Variants in EXOC2 observed in about 807,000 individuals in gnomAD.
The protein encoded by EXOC2 is SEC5-like 1.
In EXOC2, 70 loss-of-function variants were observed where a neutral mutation model predicts 131.8. The ratio of observed to expected loss-of-function variants is 0.53; its 90% CI spans 0.44 to 0.65. The LOEUF is 0.65. Ranked by LOEUF, EXOC2 falls within the 30% of genes least tolerant of loss-of-function variation. The probability of loss-of-function intolerance (pLI) is 0.00; values close to 1 mark genes in which losing one functional copy is unlikely to be tolerated. For missense variants in EXOC2, 923 were observed against 1,108.6 expected, an observed-to-expected ratio of 0.83 and a Z score of 2.38; for synonymous variants, 411 against 398.4, an observed-to-expected ratio of 1.03 and a Z score of -0.38.
At chr6:607,905 T>C (rs1385134029) in intron 7 of EXOC2, among the ~76,000 whole-genome samples, 3 of 152,180 alleles carry the variant, frequency 2.0e-5, no homozygotes, top group African/African-American at 4.8e-5. Flanking sequence ...AAACTCTGAA[T>C]AAATGACCTA....
intron 1 of EXOC2, among the ~76,000 whole-genome samples, chr6:648,859 C>CCACAGGCATG (rs1762700688): frequency 6.6e-6 from 1 of 151,326 alleles, no homozygotes; most frequent in Non-Finnish European, 1.5e-5. Flanking sequence ...GTAGCTGGGA[C>CCACAGGCATG]CACAGGCATG....
At chr6:489,104 G>A in intron 26 of EXOC2, 66 bp from the exon 27 acceptor site, 2 of 1,488,724 alleles carry the variant, frequency 1.3e-6, no homozygotes, top group Non-Finnish European at 1.9e-6. Context: ...AAATTCTTAA[G>A]CATCCCTTAA....
intron 11 of EXOC2, among the ~76,000 whole-genome samples, chr6:587,888 A>G (rs1759306852): frequency 6.6e-6 from 1 of 152,228 alleles, no homozygotes; most frequent in Non-Finnish European, 1.5e-5. Flanking sequence ...TTTTAAAAAG[A>G]ATCCTTATTT....
intron 1 of EXOC2, among the ~76,000 whole-genome samples, chr6:687,448 G>A (rs940459688): frequency 2.0e-5 from 3 of 152,054 alleles, no homozygotes; most frequent in Admixed American, 6.6e-5. Context: ...CTCTCAAAGT[G>A]CTGGGATTAC....
At chr6:656,837 A>T (rs1763138475) in intron 1 of EXOC2, 2 of 1,610,564 alleles carry the variant, frequency 1.2e-6, no homozygotes, top group African/African-American at 1.3e-5. Flanking sequence ...ACAGGCTGTC[A>T]GGGCGCACGC....
intron 23 of EXOC2, among the ~76,000 whole-genome samples, chr6:512,799 T>C (rs1437517739): frequency 1.3e-5 from 2 of 152,228 alleles, no homozygotes; most frequent in Non-Finnish European, 2.9e-5. Flanking sequence ...TTCTTGATTC[T>C]CCAAATTTTA....
Position 637,793 on chromosome 6 carries a change from A to AG in EXOC2, c.25dup (p.Leu9ProfsTer9), listed in dbSNP as rs748159069. The AG allele has an allele frequency of 3.7e-6, 6 of 1,613,658 alleles. No individual in the cohort carries two copies. The highest frequency in any genetic ancestry group is 2.2e-5 in the East Asian group (1 of 44,864). On this transcript the variant is annotated frameshift_variant, in exon 2 of 28. Transcript: ENST00000230449. LOFTEE classifies it high-confidence loss of function. ...TTCATTTGGAGAGATGCCGGTCACA[A>AG]GGGGGGGTTGTCGTGATCGAGACAT... is the stretch of plus-strand genomic sequence containing the variant.
intron 11 of EXOC2, among the ~76,000 whole-genome samples, chr6:587,829 T>TA (rs1201620663): frequency 6.6e-6 from 1 of 152,260 alleles, no homozygotes; most frequent in Non-Finnish European, 1.5e-5. Context: ...ATTTCATATT[T>TA]AAAAAATATT....
In EXOC2 at chr6:617,802, T is replaced by C; in HGVS notation, c.570A>G (p.Leu190=). ...CACTCTTCTTGTTAGCCTGTCTCTT[T>C]AGGTTGGTGACTGCCATTTTGAGCT... ...FEQLKMAVTN[L]KRQANKKSEG... is the part of the protein sequence containing the mutation. The change falls in exon 6 of 28, where the codon CTA becomes CTG. Residue 190 remains leucine, a synonymous_variant. Transcript: ENST00000230449. The C allele has an allele frequency of 6.2e-7, 1 of 1,613,606 alleles. No individual in the cohort carries two copies. The highest frequency in any genetic ancestry group is 8.5e-7 in the Non-Finnish European group (1 of 1,179,760).
At chr6:579,288 G>C (rs1161152956) in intron 11 of EXOC2, among the ~76,000 whole-genome samples, 1 of 152,066 alleles carries the variant, frequency 6.6e-6, no homozygotes, top group Non-Finnish European at 1.5e-5. Context: ...TTTTGTAATG[G>C]TTAAAAGATT....
At chr6:538,934 T>C (rs1285042404) in intron 22 of EXOC2, among the ~76,000 whole-genome samples, 1 of 152,028 alleles carries the variant, frequency 6.6e-6, no homozygotes, top group African/African-American at 2.4e-5. Flanking sequence ...TAGCCGGCTG[T>C]GGTGACAGGT....
chr6:681,731 T>C (rs1284170962), intron 1 of EXOC2, among the ~76,000 whole-genome samples: 1 of 152,224 alleles, frequency 6.6e-6, no homozygotes, highest in Admixed American at 6.5e-5. Flanking sequence ...CAAATAAAGG[T>C]AGTAATCTTT....
chr6:492,967 A>T (rs967118792), intron 25 of EXOC2, among the ~76,000 whole-genome samples: 1 of 152,246 alleles, frequency 6.6e-6, no homozygotes, highest in Non-Finnish European at 1.5e-5. Context: ...GCAAGCATGA[A>T]TAAGTGTGAT....
At chr6:522,216 C>T (rs1331834123) in intron 23 of EXOC2, among the ~76,000 whole-genome samples, 1 of 152,150 alleles carries the variant, frequency 6.6e-6, no homozygotes, top group African/African-American at 2.4e-5. Flanking sequence ...CTGGGCTGGT[C>T]TTAGGTGAAA....
At chr6:674,222 CATG>C (rs1764006608) in intron 1 of EXOC2, among the ~76,000 whole-genome samples, 2 of 152,004 alleles carry the variant, frequency 1.3e-5, no homozygotes, top group Non-Finnish European at 2.9e-5. Context: ...TTTTTATTGC[CATG>C]ATAATTACAG....
Position 571,135 on chromosome 6 carries a change from C to T in EXOC2, c.1443+1385G>A, listed in dbSNP as rs755820816. ...ATGTAGACCTGCGAAACCTGACGTTCGTTTCATGGAAGAACTTCCTCTGTA... is the reference window on the plus strand; with the variant it reads ...ATGTAGACCTGCGAAACCTGACGTTTGTTTCATGGAAGAACTTCCTCTGTA... On this transcript the variant is annotated intron_variant, in intron 13 of 27. Coordinates refer to ENST00000230449, the MANE Select transcript of EXOC2 (RefSeq NM_018303.6). Among the ~76,000 whole-genome samples the T allele has an allele frequency of 5.9e-5, 9 of 152,184 alleles. No individual in the cohort carries two copies. The South Asian group carries it at 6.2e-4, about 11-fold the overall frequency.
intron 22 of EXOC2, among the ~76,000 whole-genome samples, chr6:536,348 G>A (rs1766443844): frequency 6.6e-6 from 1 of 151,890 alleles, no homozygotes; most frequent in Admixed American, 6.6e-5. Context: ...GACATCGAAG[G>A]ATTATAATAC....
At chr6:528,463 CA>C (rs1765878568) in intron 23 of EXOC2, among the ~76,000 whole-genome samples, 1 of 152,134 alleles carries the variant, frequency 6.6e-6, no homozygotes, top group Non-Finnish European at 1.5e-5. Context: ...TATGACTATG[CA>C]AGGCTGAGGT....
At chr6:488,776 T>G (rs981742989) in intron 27 of EXOC2, among the ~76,000 whole-genome samples, 3 of 152,196 alleles carry the variant, frequency 2.0e-5, no homozygotes, top group Admixed American at 1.3e-4. Flanking sequence ...TCTTACCTTA[T>G]TCTGTCACTC....
Sources: gnomAD v4.1 joint callset for allele counts (sites outside exome capture counted in the v4.1 genomes callset) on GRCh38, gnomAD v4.1.1 for gene constraint, MANE v1.5 for transcripts, NCBI Gene and HGNC (gene_info 2026-07-23, HGNC 2026-07-21) for gene names.